The following P4HA1 variants were observed in gnomAD, a reference collection of about 807,000 sequenced individuals.
P4HA1 encodes prolyl 4-hydroxylase subunit alpha 1.
In P4HA1, 24 loss-of-function variants were observed where a neutral mutation model predicts 72.8. The observed-to-expected ratio is 0.33, with a 90% confidence interval of 0.24 to 0.46. P4HA1 has a LOEUF of 0.46. Ranked by LOEUF, P4HA1 falls within the 20% of genes least tolerant of loss-of-function variation. P4HA1 has a pLI of 1.00. For missense variants in P4HA1, 446 were observed against 640.6 expected, an observed-to-expected ratio of 0.70 and a Z score of 3.28; for synonymous variants, 201 against 218.8, an observed-to-expected ratio of 0.92 and a Z score of 0.72.
At chr10:73,060,044 T>C (rs1244859359) in intron 5 of P4HA1, among the ~76,000 whole-genome samples, 1 of 152,146 alleles carries the variant, frequency 6.6e-6, no homozygotes, top group East Asian at 1.9e-4. Context: ...TATAACATGT[T>C]AAGGGCATAG....
intron 1 of P4HA1, among the ~76,000 whole-genome samples, chr10:73,088,191 C>A (rs76210425): frequency 1.3e-5 from 2 of 152,162 alleles, no homozygotes; most frequent in Admixed American, 6.6e-5. Context: ...CCAGACCCGG[C>A]CTACGAACCA....
intron 10 of P4HA1, among the ~76,000 whole-genome samples, chr10:73,022,432 G>C (rs1303202162): frequency 6.6e-6 from 1 of 152,116 alleles, no homozygotes; most frequent in Non-Finnish European, 1.5e-5. Context: ...AAAACTAACA[G>C]AAAGGAATAG....
At chr10:73,055,817 T>A (rs1841131872) in intron 5 of P4HA1, among the ~76,000 whole-genome samples, 1 of 152,132 alleles carries the variant, frequency 6.6e-6, no homozygotes. Flanking sequence ...TTTATTGAGG[T>A]CTTACTATCT....
rs1170000646 is a variant in P4HA1, at chr10:73,056,269, A to G, written c.464-2679T>C. Among the ~76,000 whole-genome samples, 3 of 152,328 alleles carry G rather than the reference A, an allele frequency of 2.0e-5. No individual in the cohort carries two copies. The East Asian group carries it at 5.8e-4, about 29-fold the overall frequency. On this transcript the variant is annotated intron_variant, in intron 5 of 14. Coordinates refer to ENST00000394890, the MANE Select transcript of P4HA1 (RefSeq NM_001017962.3). Reference sequence around the variant, plus strand: ...TCAATTTAATGGAATAGCATTTTTCATTAAGAAAGATAATTTCAATGCTAT... The same window carrying G: ...TCAATTTAATGGAATAGCATTTTTCGTTAAGAAAGATAATTTCAATGCTAT...
Position 73,074,782 on chromosome 10 carries a change from A to G in P4HA1, c.76+26T>C, listed in dbSNP as rs202179571. ...GGAAATTAAAAAATGCAAAACCAAC[A>G]AAAAACAACAAGTAGTAAGACTTAC... On this transcript the variant is annotated intron_variant, in intron 2 of 14. Coordinates refer to ENST00000394890, the MANE Select transcript of P4HA1 (RefSeq NM_001017962.3). 2.1e-5 allele frequency: 27 copies of G among 1,291,768 alleles called. No homozygotes were observed. The African/African-American group carries it at 3.2e-4, about 16-fold the overall frequency. 80.0% of individuals were successfully genotyped at this position (1,291,768 alleles called of 1,614,324 possible).
intron 5 of P4HA1, among the ~76,000 whole-genome samples, chr10:73,057,385 G>A (rs368619458): frequency 6.6e-6 from 1 of 152,102 alleles, no homozygotes; most frequent in Non-Finnish European, 1.5e-5. Context: ...AGCTACTTGG[G>A]AAGCTGAGGC....
At chr10:73,023,999 A>G (rs1431240862) in intron 10 of P4HA1, among the ~76,000 whole-genome samples, 1 of 152,218 alleles carries the variant, frequency 6.6e-6, no homozygotes, top group African/African-American at 2.4e-5. Context: ...GCAAGTCCTT[A>G]GAGTCCTAAA....
rs1402131598 is a variant in P4HA1 at position 73,017,185 on chromosome 10, C to G, written c.1249-286G>C. On this transcript the variant is annotated intron_variant, in intron 10 of 14. Transcript: ENST00000394890. The stretch of plus-strand genomic sequence containing the variant: ...TATCTACAGATGTATATATAGATAT[C>G]TATATCTACAGATGTATATATAGAT... 5.2e-5 allele frequency among the ~76,000 whole-genome samples: 7 copies of G among 133,928 alleles called. 1 individual carries two copies. The highest frequency in any genetic ancestry group is 1.1e-4 in the African/African-American group (3 of 27,770). The allele number at this position is 133,928 out of a possible 152,430, so 87.9% of individuals were successfully genotyped here. A position where few individuals can be genotyped will look rare whatever the true frequency, so the allele number is the denominator to read the frequency against.
chr10:73,093,308 T>G (rs1842076601), intron 1 of P4HA1, among the ~76,000 whole-genome samples: 1 of 152,136 alleles, frequency 6.6e-6, no homozygotes, highest in Non-Finnish European at 1.5e-5. Context: ...TATAATGTAT[T>G]TTTAGCAAAT....
At position 73,009,819 on chromosome 10, in the gene P4HA1, C is replaced by T; in HGVS notation, c.1522G>A (p.Gly508Ser). The T allele has an allele frequency of 6.3e-7, 1 of 1,587,396 alleles. No individual in the cohort carries two copies. Among genetic ancestry groups the T allele is most frequent in the Non-Finnish European group, 8.7e-7 (1 of 1,155,902 alleles). Reference protein sequence around the residue: ...TRHAACPVLVGNKWVSNKWLH... With the variant: ...TRHAACPVLVSNKWVSNKWLH... Reference sequence around the variant, plus strand: ...ATGAAATATTTACCCCATTTGTTGCCAACTAGCACTGGACAGGCTGCATGC... The same window carrying T: ...ATGAAATATTTACCCCATTTGTTGCTAACTAGCACTGGACAGGCTGCATGC... Residue 508 changes from glycine to serine, a missense_variant, in exon 14 of 15, where the codon GGC becomes AGC. By Grantham distance (56) the Gly-to-Ser change is moderately conservative. Transcript: ENST00000394890.
At chr10:73,060,053 A>G (rs1182335258) in intron 5 of P4HA1, among the ~76,000 whole-genome samples, 1 of 152,224 alleles carries the variant, frequency 6.6e-6, no homozygotes, top group Non-Finnish European at 1.5e-5. Context: ...TTAAGGGCAT[A>G]GCCACAAAGA....
chr10:73,047,845 G>T (rs954467838), intron 7 of P4HA1, among the ~76,000 whole-genome samples: 2 of 152,072 alleles, frequency 1.3e-5, no homozygotes, highest in African/African-American at 4.8e-5. Context: ...AGCCCAAGGA[G>T]ACCAAGATCA....
rs1564631478 is a variant in P4HA1, at chr10:73,059,424, T to TTAAAA, written c.464-5835_464-5834insTTTTA. Among the ~76,000 whole-genome samples, 7 of 24,152 alleles carry TTAAAA rather than the reference T, an allele frequency of 2.9e-4. 1 individual carries two copies. Among genetic ancestry groups the TTAAAA allele is most frequent in the African/African-American group, 4.4e-4 (4 of 9,004 alleles). 15.8% of individuals were successfully genotyped at this position (24,152 alleles called of 152,430 possible). On this transcript the variant is annotated intron_variant, in intron 5 of 14. Coordinates refer to ENST00000394890, the MANE Select transcript of P4HA1 (RefSeq NM_001017962.3). ...GGGCAAAATAATGAGACAATATATT[T>TTAAAA]AAAAAAAAAAAAAAAAAAAAAAAAA...
intron 2 of P4HA1, among the ~76,000 whole-genome samples, chr10:73,074,558 T>A (rs907066336): frequency 6.6e-6 from 1 of 152,154 alleles, no homozygotes; most frequent in African/African-American, 2.4e-5. Context: ...ATATGCAGTA[T>A]ATTACTTGTA....
chr10:73,083,398 A>G (rs1564637701), intron 1 of P4HA1, among the ~76,000 whole-genome samples: 2 of 152,206 alleles, frequency 1.3e-5, no homozygotes, highest in African/African-American at 4.8e-5. Context: ...GCAGTATTGT[A>G]GCACTTATTG....
chr10:73,031,499 A>G (rs948248491), intron 9 of P4HA1, among the ~76,000 whole-genome samples: 1 of 152,206 alleles, frequency 6.6e-6, no homozygotes, highest in Non-Finnish European at 1.5e-5. Context: ...TACATGCTAC[A>G]ACATGGATGG....
At chr10:73,066,556 T>G (rs1375715953) in intron 5 of P4HA1, among the ~76,000 whole-genome samples, 1 of 152,186 alleles carries the variant, frequency 6.6e-6, no homozygotes, top group African/African-American at 2.4e-5. Flanking sequence ...CTCACTCTGT[T>G]GCCCAGGTTG....
intron 5 of P4HA1, among the ~76,000 whole-genome samples, chr10:73,059,831 A>G (rs12244027): frequency 0.16 from 24,308 of 151,864 alleles, 3,222 homozygotes; most frequent in African/African-American, 0.34. Context: ...TGTAGGCCTA[A>G]CTATTTGGGA....
chr10:73,056,691 G>A (rs1293250591), intron 5 of P4HA1, among the ~76,000 whole-genome samples: 1 of 151,964 alleles, frequency 6.6e-6, no homozygotes, highest in Admixed American at 6.6e-5. Context: ...CAGGCATATT[G>A]GAATGGGAAA....
Sources: allele counts gnomAD v4.1 joint callset (sites outside exome capture counted in the v4.1 genomes callset), GRCh38; gene constraint gnomAD v4.1.1; transcripts MANE v1.5; gene names NCBI Gene and HGNC (gene_info 2026-07-23, HGNC 2026-07-21).